Variants in LINGO2 observed in about 807,000 individuals in gnomAD.
LINGO2 encodes leucine rich repeat and Ig domain containing 2, also known as leucine-rich repeat and immunoglobulin-like domain-containing nogo receptor-interacting protein 2.
LINGO2 carries 14 observed loss-of-function variants against 30.6 expected under a neutral mutation model. The ratio of observed to expected loss-of-function variants is 0.46; its 90% CI spans 0.30 to 0.72. The LOEUF is 0.72. Ranked by LOEUF, LINGO2 falls within the 30% of genes least tolerant of loss-of-function variation. The pLI is 0.07. For missense variants in LINGO2, 729 were observed against 751.7 expected (o/e 0.97, Z 0.35); for synonymous variants, 317 against 288.5 (o/e 1.10, Z -1.00).
the LINGO2 span, among the ~76,000 whole-genome samples, chr9:28,840,735 A>T: frequency 6.6e-6 from 1 of 151,948 alleles, no homozygotes; most frequent in African/African-American, 2.4e-5. Context: ...AATCAATGCA[A>T]TTCAATTAGC....
chr9:28,087,901 T>G (rs1825959857), intron 4 of LINGO2, among the ~76,000 whole-genome samples: 1 of 152,050 alleles, frequency 6.6e-6, no homozygotes, highest in African/African-American at 2.4e-5. Flanking sequence ...TTAGTACCAG[T>G]AAAAGAAACT....
chr9:29,198,213 A>G, the LINGO2 span, among the ~76,000 whole-genome samples: 1 of 152,154 alleles, frequency 6.6e-6, no homozygotes, highest in Admixed American at 6.5e-5. Flanking sequence ...GTTTCAGTTG[A>G]GACCCAAAAT....
the LINGO2 span, among the ~76,000 whole-genome samples, chr9:28,897,843 T>C: frequency 6.6e-6 from 1 of 152,148 alleles, no homozygotes; most frequent in Admixed American, 6.5e-5. Flanking sequence ...TCTTAATAAA[T>C]ACTTTTTTAA....
In LINGO2 at chr9:28,319,718, C is replaced by T. The variant is rs117873890; in HGVS notation, c.-245-24352G>A. Among the ~76,000 whole-genome samples the T allele has an allele frequency of 0.014, 2,168 of 152,144 alleles. 89 individuals carry two copies. The East Asian group carries it at 0.15, about 10-fold the overall frequency. ...TCCAGGAAATGAGAATGAGAGGAGG[C>T]GACTGATTACACAGGAGCTTGAGGC... On this transcript the variant is annotated intron_variant, in intron 3 of 5. Transcript: ENST00000379992.
the LINGO2 span, among the ~76,000 whole-genome samples, chr9:29,108,407 G>T: frequency 6.6e-6 from 1 of 152,092 alleles, no homozygotes; most frequent in Admixed American, 6.6e-5. Flanking sequence ...AGTAGATTTA[G>T]AAACTTTAAG....
intron 4 of LINGO2, among the ~76,000 whole-genome samples, chr9:28,134,310 C>A (rs553747345): frequency 2.0e-5 from 3 of 152,258 alleles, no homozygotes; most frequent in East Asian, 3.9e-4. Flanking sequence ...GGTTGTAGTT[C>A]TTTTATATGG....
At chr9:28,063,647 C>G (rs2133136410) in intron 4 of LINGO2, among the ~76,000 whole-genome samples, 1 of 152,206 alleles carries the variant, frequency 6.6e-6, no homozygotes, top group East Asian at 1.9e-4. Flanking sequence ...TCAGATCTTT[C>G]CATTTCGTCG....
At chr9:28,881,110 T>C in the LINGO2 span, among the ~76,000 whole-genome samples, 6 of 152,068 alleles carry the variant, frequency 3.9e-5, no homozygotes, top group African/African-American at 1.4e-4. Flanking sequence ...CTGGGCCCAC[T>C]GTTGTTTCTC....
the LINGO2 span, among the ~76,000 whole-genome samples, chr9:28,712,731 A>T: frequency 7.9e-5 from 12 of 152,012 alleles, no homozygotes; most frequent in African/African-American, 2.9e-4. Flanking sequence ...AGATTCTAGA[A>T]GAAAGCAAAA....
At chr9:29,044,314 ACTC>A in the LINGO2 span, among the ~76,000 whole-genome samples, 1 of 151,744 alleles carries the variant, frequency 6.6e-6, no homozygotes, top group Admixed American at 6.6e-5. Context: ...CAGAAAAATG[ACTC>A]CTCCTTTGTT....
chr9:28,673,057 A>C (rs1829082388), upstream of LINGO2, among the ~76,000 whole-genome samples: 1 of 152,154 alleles, frequency 6.6e-6, no homozygotes, highest in Non-Finnish European at 1.5e-5. Context: ...GTTGGGTGAA[A>C]TGTGTTGATA....
chr9:28,391,587 AT>A (rs1322462122), intron 2 of LINGO2, among the ~76,000 whole-genome samples: 2 of 137,134 alleles, frequency 1.5e-5, no homozygotes, highest in African/African-American at 5.5e-5. Context: ...TCTTTTCACA[AT>A]TTGTATTTAT....
At chr9:28,780,634 G>T in the LINGO2 span, among the ~76,000 whole-genome samples, 3 of 152,188 alleles carry the variant, frequency 2.0e-5, no homozygotes, top group Non-Finnish European at 2.9e-5. Flanking sequence ...ACAAGTTACA[G>T]GTGAACAGCT....
At chr9:29,103,616 A>G in the LINGO2 span, among the ~76,000 whole-genome samples, 1 of 152,144 alleles carries the variant, frequency 6.6e-6, no homozygotes, top group Non-Finnish European at 1.5e-5. Flanking sequence ...TATAGAATCA[A>G]TATGTGGAAT....
chr9:27,959,565 T>C (rs1819737742), intron 5 of LINGO2, among the ~76,000 whole-genome samples: 1 of 152,176 alleles, frequency 6.6e-6, no homozygotes, highest in African/African-American at 2.4e-5. Flanking sequence ...TTTAGTTGGT[T>C]TATTCTTAAA....
At chr9:29,060,872 A>C in the LINGO2 span, among the ~76,000 whole-genome samples, 1 of 151,972 alleles carries the variant, frequency 6.6e-6, no homozygotes. Context: ...TAGGAAAAAA[A>C]ATTTTCTTCA....
At chr9:28,701,997 A>C in the LINGO2 span, among the ~76,000 whole-genome samples, 5 of 151,938 alleles carry the variant, frequency 3.3e-5, no homozygotes, top group African/African-American at 1.2e-4. Context: ...ATAAACACTT[A>C]TGAGTTCCAG....
At chr9:28,608,342 C>A (rs969846832) in intron 1 of LINGO2, among the ~76,000 whole-genome samples, 1 of 149,766 alleles carries the variant, frequency 6.7e-6, no homozygotes, top group South Asian at 2.1e-4. Flanking sequence ...CATTATTTTT[C>A]AAAAAAAAAG....
chr9:29,147,611 G>C, the LINGO2 span, among the ~76,000 whole-genome samples: 7 of 151,976 alleles, frequency 4.6e-5, no homozygotes, highest in Non-Finnish European at 1.0e-4. Flanking sequence ...AGCTTGATAG[G>C]AATCAGTAAT....
Sources: gnomAD v4.1 joint callset for allele counts (sites outside exome capture counted in the v4.1 genomes callset) on GRCh38, gnomAD v4.1.1 for gene constraint, MANE v1.5 for transcripts, NCBI Gene and HGNC (gene_info 2026-07-23, HGNC 2026-07-21) for gene names.